ROBO2: variants seen among roughly 807,000 people sequenced by gnomAD.
ROBO2 encodes roundabout guidance receptor 2.
A neutral mutation model predicts 160.8 loss-of-function variants in ROBO2; 53 were observed. The ratio of observed to expected loss-of-function variants is 0.33; its 90% CI spans 0.26 to 0.41. The LOEUF is 0.41. Among genes scored for constraint, ROBO2 ranks in the 10% least tolerant of loss-of-function variants. ROBO2 has a pLI of 1.00. For synonymous variants in ROBO2, 664 were observed against 611.7 expected (o/e 1.09, Z -1.26); for missense variants, 1,577 against 1,722.4 (o/e 0.92, Z 1.49).
chr3:76,744,543 G>A (rs2093853613), intron 2 of ROBO2, among the ~76,000 whole-genome samples: 1 of 151,754 alleles, frequency 6.6e-6, no homozygotes, highest in African/African-American at 2.4e-5. Context: ...TCAATTTTTA[G>A]TAGCAATGAG....
intron 7 of ROBO2, 149 bp from the exon 9 acceptor site, chr3:77,550,669 T>C (rs1344101480): frequency 2.5e-6 from 2 of 794,606 alleles, no homozygotes; most frequent in East Asian, 2.7e-5. Flanking sequence ...TGAAACCCAC[T>C]GTGTGGCATT....
At chr3:76,798,308 GAAAGAAA>G (rs2063924427) in intron 2 of ROBO2, among the ~76,000 whole-genome samples, 1 of 149,348 alleles carries the variant, frequency 6.7e-6, no homozygotes, top group African/African-American at 2.5e-5. Context: ...AAGAAAGAAA[GAAAGAAA>G]AAAGAACGAA....
chr3:75,953,401 C>T (rs192112456), intron 2 of ROBO2, among the ~76,000 whole-genome samples: 3 of 151,850 alleles, frequency 2.0e-5, no homozygotes, highest in Non-Finnish European at 4.4e-5. Context: ...TGTATTTAGA[C>T]CTTTGGCCTA....
chr3:77,194,701 T>A (rs1274994231), intron 2 of ROBO2, among the ~76,000 whole-genome samples: 2 of 152,234 alleles, frequency 1.3e-5, no homozygotes, highest in African/African-American at 4.8e-5. Context: ...TATTAGTTTA[T>A]TCTGTCTTTG....
chr3:77,511,778 T>A (rs1047390621), intron 5 of ROBO2, among the ~76,000 whole-genome samples: 1 of 152,012 alleles, frequency 6.6e-6, no homozygotes, highest in African/African-American at 2.4e-5. Flanking sequence ...TGGTTTTCTG[T>A]AGAGGCTTTC....
chr3:76,909,634 A>G (rs545481265), intron 2 of ROBO2, among the ~76,000 whole-genome samples: 1 of 152,320 alleles, frequency 6.6e-6, no homozygotes, highest in Admixed American at 6.5e-5. Context: ...ACTATTCAGT[A>G]ATTCTTAGTG....
chr3:77,352,573 T>C (rs1384583051), intron 2 of ROBO2, among the ~76,000 whole-genome samples: 3 of 131,874 alleles, frequency 2.3e-5, no homozygotes, highest in African/African-American at 8.4e-5. Context: ...AATTAGAACA[T>C]GATTTTTTTT....
chr3:76,289,931 T>C (rs1708720941), intron 2 of ROBO2, among the ~76,000 whole-genome samples: 1 of 152,194 alleles, frequency 6.6e-6, no homozygotes, highest in African/African-American at 2.4e-5. Flanking sequence ...GTGTAATGCA[T>C]CTGGCATTGT....
At chr3:77,104,687 T>A (rs1345798545) in intron 2 of ROBO2, among the ~76,000 whole-genome samples, 7 of 152,160 alleles carry the variant, frequency 4.6e-5, no homozygotes, top group Admixed American at 1.3e-4. Context: ...TGATATTTAC[T>A]GGTGCATTGA....
At chr3:77,322,717 A>G (rs2064849776) in intron 2 of ROBO2, among the ~76,000 whole-genome samples, 1 of 144,464 alleles carries the variant, frequency 6.9e-6, no homozygotes, top group Non-Finnish European at 1.5e-5. Flanking sequence ...TGAAACAAGA[A>G]CATAGGTCTA....
chr3:77,158,412 C>A (rs905205890), intron 2 of ROBO2, among the ~76,000 whole-genome samples: 4 of 151,982 alleles, frequency 2.6e-5, no homozygotes, highest in African/African-American at 9.7e-5. Flanking sequence ...AAACAGACGG[C>A]AAACCATATG....
intron 2 of ROBO2, among the ~76,000 whole-genome samples, chr3:76,871,371 G>A (rs1022739053): frequency 1.6e-4 from 24 of 151,268 alleles, no homozygotes; most frequent in African/African-American, 5.8e-4. Flanking sequence ...CGGCTAAAAC[G>A]GTGAAACCCC....
At chr3:76,109,573 G>T (rs2070123075) in intron 2 of ROBO2, among the ~76,000 whole-genome samples, 1 of 152,000 alleles carries the variant, frequency 6.6e-6, no homozygotes, top group African/African-American at 2.4e-5. Flanking sequence ...TGTGCCTCCT[G>T]CTTTCAATGT....
intron 2 of ROBO2, among the ~76,000 whole-genome samples, chr3:77,277,545 C>T (rs144948755): frequency 2.6e-5 from 4 of 152,162 alleles, no homozygotes; most frequent in African/African-American, 7.2e-5. Flanking sequence ...TAAGTGAGAA[C>T]GTGTAGTGTT....
intron 2 of ROBO2, among the ~76,000 whole-genome samples, chr3:76,337,941 A>G (rs2073994024): frequency 6.6e-6 from 1 of 152,114 alleles, no homozygotes; most frequent in African/African-American, 2.4e-5. Flanking sequence ...CCCCGTGGTA[A>G]AACTAGAAAT....
chr3:76,744,896 G>T (rs902085330), intron 2 of ROBO2, among the ~76,000 whole-genome samples: 2 of 152,020 alleles, frequency 1.3e-5, no homozygotes, highest in Non-Finnish European at 2.9e-5. Flanking sequence ...CTAATCAAAG[G>T]GTGCTATTTT....
At chr3:76,736,465 G>A (rs1255799187) in intron 2 of ROBO2, among the ~76,000 whole-genome samples, 2 of 152,104 alleles carry the variant, frequency 1.3e-5, no homozygotes, top group Admixed American at 1.3e-4. Context: ...CATTTGAAAT[G>A]ACTTCTTCAA....
At chr3:76,104,671 T>C (rs2069844430) in intron 2 of ROBO2, among the ~76,000 whole-genome samples, 1 of 152,224 alleles carries the variant, frequency 6.6e-6, no homozygotes, top group Admixed American at 6.5e-5. Flanking sequence ...AAAAGGACAC[T>C]ATCACACATT....
chr3:76,201,720 A>G (rs184247814), intron 2 of ROBO2, among the ~76,000 whole-genome samples: 1 of 152,166 alleles, frequency 6.6e-6, no homozygotes, highest in East Asian at 1.9e-4. Context: ...CCTTAACTTT[A>G]TATGCTGAAC....
Sources: allele counts gnomAD v4.1 joint callset (sites outside exome capture counted in the v4.1 genomes callset), GRCh38; gene constraint gnomAD v4.1.1; transcripts MANE v1.5; gene names NCBI Gene and HGNC (gene_info 2026-07-23, HGNC 2026-07-21).